SLIT3: variants seen among roughly 807,000 people sequenced by gnomAD.
The protein encoded by SLIT3 is slit guidance ligand 3.
A neutral mutation model predicts 184.0 loss-of-function variants in SLIT3; 68 were observed. The ratio of observed to expected loss-of-function variants is 0.37; its 90% CI spans 0.30 to 0.45. The LOEUF is 0.45. Ranked by LOEUF, SLIT3 falls within the 20% of genes least tolerant of loss-of-function variation. The pLI is 1.00. For synonymous variants in SLIT3, 831 were observed against 828.6 expected, an observed-to-expected ratio of 1.00 and a Z score of -0.05; for missense variants, 1,707 against 2,026.0, an observed-to-expected ratio of 0.84 and a Z score of 3.02.
At chr5:168,905,143 C>T (rs1399675919) in intron 4 of SLIT3, among the ~76,000 whole-genome samples, 1 of 152,024 alleles carries the variant, frequency 6.6e-6, no homozygotes, top group Non-Finnish European at 1.5e-5. Context: ...TGCCACTGCA[C>T]TCCAGCCTGG....
At chr5:169,193,329 G>T (rs951334862) in intron 4 of SLIT3, 150 bp downstream of exon 4, 2 of 685,818 alleles carry the variant, frequency 2.9e-6, no homozygotes, top group African/African-American at 1.8e-5. Context: ...TTTGTTGGGG[G>T]TAGACGTCAT....
rs73802369 is a variant in SLIT3 at position 168,712,316 on chromosome 5, C to G, written c.2522G>C (p.Gly841Ala). ...HGNDISSVPE[G>A]SFNDLTSLSH... ...AAGAGATGTGAGGTCGTTGAAGGAG[C>G]CTTCAGGAACGCTGGAAATGTCATT... Residue 841 changes from glycine to alanine, a missense_variant, in exon 24 of 36, where the codon GGC (glycine) becomes GCC (alanine). By Grantham distance (60) the Gly-to-Ala change is moderately conservative (BLOSUM62 0). Transcript: ENST00000519560. 3 of 1,614,154 alleles carry G rather than the reference C, an allele frequency of 1.9e-6. No individual in the cohort carries two copies. The African/African-American group carries it at 4.0e-5, about 22-fold the overall frequency.
At chr5:169,004,614 G>T (rs1359669155) in intron 4 of SLIT3, among the ~76,000 whole-genome samples, 1 of 152,082 alleles carries the variant, frequency 6.6e-6, no homozygotes, top group East Asian at 1.9e-4. Context: ...TGGGACTACA[G>T]GTAACCCCTC....
At chr5:169,055,579 C>T (rs574370978) in intron 4 of SLIT3, among the ~76,000 whole-genome samples, 5 of 152,318 alleles carry the variant, frequency 3.3e-5, no homozygotes, top group African/African-American at 7.2e-5. Context: ...CAGTGGCTCA[C>T]GCCTGTAATC....
intron 5 of SLIT3, among the ~76,000 whole-genome samples, chr5:168,881,862 C>G (rs1759966878): frequency 6.6e-6 from 1 of 152,156 alleles, no homozygotes; most frequent in South Asian, 2.1e-4. Context: ...CAAAGGAGCT[C>G]CCATTCTTTG....
At chr5:169,235,848 C>T (rs982058227) in intron 3 of SLIT3, among the ~76,000 whole-genome samples, 4 of 152,132 alleles carry the variant, frequency 2.6e-5, no homozygotes, top group African/African-American at 4.8e-5. Context: ...TGCATCATAT[C>T]GAAAGTACAT....
At chr5:168,813,362 T>G (rs541010910) in intron 8 of SLIT3, among the ~76,000 whole-genome samples, 1 of 151,320 alleles carries the variant, frequency 6.6e-6, no homozygotes, top group South Asian at 2.1e-4. Context: ...AACATGAACT[T>G]CTTCTCTGGT....
At chr5:168,827,766 A>T (rs1173879904) in intron 6 of SLIT3, among the ~76,000 whole-genome samples, 1 of 152,216 alleles carries the variant, frequency 6.6e-6, no homozygotes, top group East Asian at 1.9e-4. Flanking sequence ...GGATGAATAC[A>T]TGAAGATTCA....
intron 4 of SLIT3, among the ~76,000 whole-genome samples, chr5:169,155,607 A>G (rs1249008592): frequency 6.6e-6 from 1 of 152,168 alleles, no homozygotes; most frequent in Non-Finnish European, 1.5e-5. Context: ...CAGTGAGTCT[A>G]TGCTTCTGGG....
At chr5:168,948,404 C>T (rs1475273219) in intron 4 of SLIT3, among the ~76,000 whole-genome samples, 2 of 152,124 alleles carry the variant, frequency 1.3e-5, no homozygotes, top group African/African-American at 2.4e-5. Context: ...TAGGTGCATA[C>T]AGAGAACAGA....
intron 4 of SLIT3, among the ~76,000 whole-genome samples, chr5:169,054,667 C>T (rs1757927440): frequency 6.6e-6 from 1 of 152,206 alleles, no homozygotes; most frequent in Admixed American, 6.5e-5. Context: ...GCCAGTCCCA[C>T]TCCAACCCGT....
intron 4 of SLIT3, among the ~76,000 whole-genome samples, chr5:168,961,004 T>G (rs1300902273): frequency 6.6e-6 from 1 of 152,212 alleles, no homozygotes; most frequent in East Asian, 1.9e-4. Flanking sequence ...AACCAGCCAT[T>G]GACCTTTAAA....
intron 4 of SLIT3, among the ~76,000 whole-genome samples, chr5:169,136,430 G>A (rs1761504183): frequency 1.3e-5 from 2 of 152,310 alleles, no homozygotes; most frequent in East Asian, 1.9e-4. Context: ...AAGCACAGCA[G>A]CTCCTCTATT....
intron 14 of SLIT3, chr5:168,768,247 C>A (rs532367772): frequency 2.0e-6 from 1 of 510,542 alleles, no homozygotes; most frequent in Non-Finnish European, 4.0e-6. Context: ...AGCCCCGCAG[C>A]GACTGGTCAG....
chr5:168,779,244 G>A lies in SLIT3; in HGVS notation c.1152-4866C>T, dbSNP rs74564760. 4.2e-4 allele frequency among the ~76,000 whole-genome samples: 64 copies of A among 152,242 alleles called. No individual in the cohort carries two copies. In the East Asian group the frequency reaches 0.011, roughly 25 times the overall value. On this transcript the variant is annotated intron_variant, in intron 12 of 35. Transcript: ENST00000519560. ...TAGCCCAAAGATTTTGTTTCCAATCGTCATGCTGCTGTGAGAGCCAGTCCC... is the reference window on the plus strand; with the variant it reads ...TAGCCCAAAGATTTTGTTTCCAATCATCATGCTGCTGTGAGAGCCAGTCCC...
chr5:169,034,839 C>T (rs1424362715), intron 4 of SLIT3, among the ~76,000 whole-genome samples: 2 of 151,522 alleles, frequency 1.3e-5, no homozygotes, highest in Admixed American at 1.3e-4. Flanking sequence ...TTGACCTCTC[C>T]ATGCTCAGGA....
At chr5:168,674,923 T>C (rs561218105) in intron 32 of SLIT3, among the ~76,000 whole-genome samples, 1 of 152,260 alleles carries the variant, frequency 6.6e-6, no homozygotes, top group Admixed American at 6.5e-5. Context: ...CTTACAATAA[T>C]TCTATGAAGT....
intron 30 of SLIT3, 49 bp downstream of exon 30, chr5:168,686,930 T>A (rs754203140): frequency 6.3e-7 from 1 of 1,598,044 alleles, no homozygotes; most frequent in African/African-American, 1.3e-5. Flanking sequence ...CCCCAGCCCC[T>A]GCCACCTGGC....
chr5:169,300,617 G>A lies in SLIT3; in HGVS notation c.93C>T (p.Ala31=). 3.3e-6 allele frequency: 5 copies of A among 1,504,566 alleles called. No individual in the cohort carries two copies. Among genetic ancestry groups the A allele is most frequent in the Non-Finnish European group, 4.4e-6 (5 of 1,131,786 alleles). The allele number at this position is 1,504,566 out of a possible 1,614,324, so 93.2% of individuals were successfully genotyped here. The change falls in exon 1 of 36, where the codon GCC becomes GCT. Residue 31 remains alanine, a synonymous_variant. Transcript: ENST00000519560. This position sits in a 1 kb window ranked among gnomAD's most constrained non-coding sequence, Gnocchi z 4.1. ...AGGTACACTTGGTGGGGCAGGCGAC[G>A]GCTGGAGGCCCACTCAGGACGCTCG... ...ALASVLSGPP[A]VACPTKCTCS... is the part of the protein sequence containing the mutation.
Sources: gnomAD v4.1 joint callset for allele counts (sites outside exome capture counted in the v4.1 genomes callset) on GRCh38, gnomAD v4.1.1 for gene constraint, Gnocchi (gnomAD v3.1) non-coding constraint, MANE v1.5 for transcripts, NCBI Gene and HGNC (gene_info 2026-07-23, HGNC 2026-07-21) for gene names.